TOGARAM2: variants seen among roughly 807,000 people sequenced by gnomAD.
TOGARAM2 encodes the protein TOG array regulator of axonemal microtubules 2, also known as TOG array regulator of axonemal microtubules protein 2.
Under a neutral mutation model 93.3 loss-of-function variants are expected in TOGARAM2, and 85 were observed. The observed-to-expected ratio is 0.91, with a 90% CI of 0.76 to 1.09. The LOEUF (loss-of-function observed/expected upper bound fraction) is 1.09. TOGARAM2 is among the 50% of genes least tolerant of loss of function. TOGARAM2 has a pLI of 0.00. For missense variants in TOGARAM2, 1,277 were observed against 1,334.5 expected, an observed-to-expected ratio of 0.96 and a Z score of 0.67; for synonymous variants, 593 against 552.8, an observed-to-expected ratio of 1.07 and a Z score of -1.02.
rs151058311 is a variant in TOGARAM2, at chr2:29,028,291, C to T, written c.2012+1280C>T. Among the ~76,000 whole-genome samples the T allele has an allele frequency of 4.4e-3, 672 of 152,308 alleles. 3 individuals carry two copies. The highest frequency in any genetic ancestry group is 8.0e-3 in the Non-Finnish European group (547 of 68,030). ...GCCAGACATTCTCGTAGGGTACCCA[C>T]GTCTGAGGGTGCTCCCTGAGGGATG... On this transcript the variant is annotated intron_variant, in intron 14 of 19. Transcript: ENST00000379558.
At chr2:29,024,946 C>G (rs567744764) in intron 13 of TOGARAM2, among the ~76,000 whole-genome samples, 1 of 152,194 alleles carries the variant, frequency 6.6e-6, no homozygotes, top group Non-Finnish European at 1.5e-5. Flanking sequence ...CCTGTTGGAG[C>G]CTTTCTGCAG....
intron 1 of TOGARAM2, among the ~76,000 whole-genome samples, chr2:28,993,275 G>C (rs1030189139): frequency 6.6e-6 from 1 of 152,164 alleles, no homozygotes; most frequent in Non-Finnish European, 1.5e-5. Context: ...CCTCTGGTTA[G>C]AGATATGGGG....
chr2:28,999,604 A>T (rs1673180422), intron 4 of TOGARAM2, 136 bp downstream of exon 4: 1 of 1,023,188 alleles, frequency 9.8e-7, no homozygotes. Context: ...GGTACATACC[A>T]GGTACCTTCT....
chr2:29,008,115 T>C (rs1572693403), intron 6 of TOGARAM2, among the ~76,000 whole-genome samples: 1 of 151,394 alleles, frequency 6.6e-6, no homozygotes, highest in Non-Finnish European at 1.5e-5. Flanking sequence ...TTTATTTTGT[T>C]TATTTATTTT....
chr2:29,052,003 G>C lies in TOGARAM2; in HGVS notation c.2970G>C (p.Glu990Asp). ...LKTLQELLDS[E>D]SLGGSRKATD... ...CGCTCCAGGAACTCTTAGACTCAGAGTCCTTGGGAGGCAGCCGCAAGGCCA... is the reference window on the plus strand; with the variant it reads ...CGCTCCAGGAACTCTTAGACTCAGACTCCTTGGGAGGCAGCCGCAAGGCCA... Residue 990 changes from glutamate to aspartate, a missense_variant, in exon 20 of 20, where the codon GAG (glutamate) becomes GAC (aspartate). Physicochemically the swap from Glu to Asp is conservative, Grantham distance 45. Transcript: ENST00000379558. 6.2e-7 allele frequency: 1 copy of C among 1,613,214 alleles called. No individual in the cohort carries two copies.
At position 29,002,592 on chromosome 2, in the gene TOGARAM2, C is replaced by T. The variant is rs183676260; in HGVS notation, c.484C>T (p.Arg162Ter). 6.3e-4 allele frequency: 1,024 copies of T among 1,614,008 alleles called. 11 individuals are homozygous for T. The African/African-American group carries it at 0.012, about 18-fold the overall frequency. The change falls in exon 5 of 20, where the codon CGA becomes TGA. Residue 162 changes from arginine to a stop codon, truncating the protein, a stop_gained. Transcript: ENST00000379558. LOFTEE classifies it high-confidence loss of function. ...AGTTCCCCTGCACAGCACCATCCCCCGAGCCACCTCTCAGAGGCTGCTGAG... is the reference window on the plus strand; with the variant it reads ...AGTTCCCCTGCACAGCACCATCCCCTGAGCCACCTCTCAGAGGCTGCTGAG... ...QGVPLHSTIPRATSQRLLRVP... is the reference protein window; with the variant it reads ...QGVPLHSTIP
chr2:28,973,465 TCCTCCCTC>T (rs776169095), intron 1 of TOGARAM2, among the ~76,000 whole-genome samples: 1 of 60,772 alleles, frequency 1.6e-5, no homozygotes, highest in Non-Finnish European at 3.5e-5. Context: ...CTTCCTTCCT[TCCTCCCTC>T]CCTCCCTCCC....
At chr2:28,997,468 C>T (rs921094333) in intron 2 of TOGARAM2, among the ~76,000 whole-genome samples, 3 of 152,182 alleles carry the variant, frequency 2.0e-5, no homozygotes, top group Non-Finnish European at 4.4e-5. Flanking sequence ...TTGTGTTCTC[C>T]GCCAGACTTC....
Position 29,017,893 on chromosome 2 carries a change from C to G in TOGARAM2, c.1297C>G (p.Arg433Gly). 1 of 1,610,206 alleles carries G rather than the reference C, an allele frequency of 6.2e-7. No individual in the cohort carries two copies. Among genetic ancestry groups the G allele is most frequent in the Non-Finnish European group, 8.5e-7 (1 of 1,177,228 alleles). The stretch of plus-strand genomic sequence containing the variant: ...CATCATCCTGAGGAAGTGGGCCAGC[C>G]GGGCCTCCCTGCCCAGCATCCCCAT... Reference protein sequence around the residue: ...VSIILRKWASRASLPSIPISR... With the variant: ...VSIILRKWASGASLPSIPISR... The change falls in exon 10 of 20, where the codon CGG (arginine) becomes GGG (glycine). Residue 433 changes from arginine (R) to glycine (G), a missense_variant. Physicochemically the swap from Arg to Gly is moderately radical, Grantham distance 125. Coordinates refer to ENST00000379558, the MANE Select transcript of TOGARAM2 (RefSeq NM_199280.4).
intron 1 of TOGARAM2, among the ~76,000 whole-genome samples, chr2:28,975,448 A>C (rs949043420): frequency 6.6e-6 from 1 of 151,996 alleles, no homozygotes; most frequent in Non-Finnish European, 1.5e-5. Flanking sequence ...TCGGCCTCCC[A>C]AAGTGCTGGG....
chr2:28,956,663 T>A lies in TOGARAM2; in HGVS notation c.-181T>A, dbSNP rs1671724029. The A allele has an allele frequency of 6.6e-6, 1 of 152,200 alleles. No individual in the cohort carries two copies. The highest frequency in any genetic ancestry group is 6.5e-5 in the Admixed American group (1 of 15,278). 9.4% of individuals were successfully genotyped at this position (152,200 alleles called of 1,614,324 possible). A position where few individuals can be genotyped will look rare whatever the true frequency, so the allele number is the denominator to read the frequency against. On this transcript the variant is annotated 5_prime_UTR_variant, in exon 1 of 7. Transcript: ENST00000401723. The surrounding 1 kb of genome is among the most constrained non-coding windows in gnomAD (Gnocchi z 4.5). ...AGTGAAGTTGCGGCGACCTCGTGCC[T>A]GCCTTATGTGCACCTGTGCCAGCAT...
At chr2:28,999,936 G>A (rs1405290913) in intron 4 of TOGARAM2, among the ~76,000 whole-genome samples, 1 of 152,024 alleles carries the variant, frequency 6.6e-6, no homozygotes, top group Non-Finnish European at 1.5e-5. Flanking sequence ...GAGGTTTAGA[G>A]CCACTGCTCC....
chr2:29,014,680 G>GCCC, intron 8 of TOGARAM2, 119 bp downstream of exon 8: 1 of 1,297,688 alleles, frequency 7.7e-7, no homozygotes, highest in Admixed American at 2.7e-5. Context: ...AGCAAGGAGA[G>GCCC]CCCGAGGCAG....
intron 1 of TOGARAM2, among the ~76,000 whole-genome samples, chr2:28,965,918 C>G (rs1403892379): frequency 6.6e-6 from 1 of 152,144 alleles, no homozygotes; most frequent in Non-Finnish European, 1.5e-5. Context: ...AGTCCAGTGT[C>G]TGAAAATAAT....
rs144603420 is a variant in TOGARAM2 at position 28,968,220 on chromosome 2, C to T, written c.-147+11523C>T. 3.9e-3 allele frequency among the ~76,000 whole-genome samples: 598 copies of T among 152,220 alleles called. 4 individuals are homozygous for T. Among genetic ancestry groups the T allele is most frequent in the African/African-American group, 0.014 (570 of 41,538 alleles). On this transcript the variant is annotated intron_variant, in intron 1 of 6. Transcript: ENST00000401723. ...ACTAGCTTAAATAGAGTCAATAGAG[C>T]GATAGGTATAAAATCACACCTTCCA...
At chr2:28,983,207 T>A (rs1250949363) in intron 1 of TOGARAM2, among the ~76,000 whole-genome samples, 1,844 of 33,292 alleles carry the variant, frequency 0.055, 28 homozygotes, top group Non-Finnish European at 0.075. Flanking sequence ...TATTTTTTTT[T>A]TTTTTTTTTT....
chr2:28,983,175 T>TAA (rs1672287987), intron 1 of TOGARAM2, among the ~76,000 whole-genome samples: 2 of 52,724 alleles, frequency 3.8e-5, no homozygotes, highest in Admixed American at 2.3e-4. Context: ...TGTGTATATA[T>TAA]AAATATATAT....
At chr2:28,999,048 G>A (rs1461332587) in intron 3 of TOGARAM2, 133 bp from the exon 4 acceptor site, 1 of 934,804 alleles carries the variant, frequency 1.1e-6, no homozygotes, top group African/African-American at 1.7e-5. Flanking sequence ...AGGAGTGACT[G>A]AAACATTAAA....
chr2:29,003,815 G>C (rs1484390035), intron 6 of TOGARAM2, 133 bp downstream of exon 6: 1 of 887,038 alleles, frequency 1.1e-6, no homozygotes, highest in African/African-American at 1.7e-5. Context: ...AAAGGGCTGG[G>C]GGCTCCACCC....
Sources: allele counts gnomAD v4.1 joint callset (sites outside exome capture counted in the v4.1 genomes callset), GRCh38; gene constraint gnomAD v4.1.1; non-coding constraint Gnocchi (gnomAD v3.1); transcripts MANE v1.5; gene names NCBI Gene and HGNC (gene_info 2026-07-23, HGNC 2026-07-21).